Variants in VAPA observed in about 807,000 individuals in gnomAD.
The protein encoded by VAPA is VAMP associated protein A.
In VAPA, 6 loss-of-function variants were observed where a neutral mutation model predicts 25.6. The ratio of observed to expected loss-of-function variants is 0.23; its 90% CI spans 0.13 to 0.46. The LOEUF (loss-of-function observed/expected upper bound fraction) is 0.46, where lower values mean the gene tolerates loss of function less well. VAPA is among the 20% of genes least tolerant of loss of function. VAPA has a pLI of 0.99. For missense variants in VAPA, 244 were observed against 302.1 expected (o/e 0.81, Z 1.43); for synonymous variants, 112 against 106.2 (o/e 1.05, Z -0.34).
intron 2 of VAPA, among the ~76,000 whole-genome samples, chr18:9,932,878 G>A (rs1318151574): frequency 6.6e-6 from 1 of 152,142 alleles, no homozygotes; most frequent in Non-Finnish European, 1.5e-5. Flanking sequence ...GGAGGCCGAG[G>A]CGGGTGGATC....
intron 1 of VAPA, chr18:9,914,548 C>T (rs2069094277): frequency 3.9e-6 from 1 of 254,848 alleles, no homozygotes; most frequent in East Asian, 7.6e-5. Context: ...CGCCCGCCCT[C>T]GCTGCGGTGC....
At chr18:9,940,290 C>T (rs2069353770) in intron 4 of VAPA, among the ~76,000 whole-genome samples, 1 of 151,820 alleles carries the variant, frequency 6.6e-6, no homozygotes, top group African/African-American at 2.4e-5. Flanking sequence ...TTTGTTTGAC[C>T]CTCATAGTCT....
chr18:9,937,444 C>G (rs1421517719), intron 4 of VAPA, among the ~76,000 whole-genome samples: 4 of 152,042 alleles, frequency 2.6e-5, no homozygotes, highest in Non-Finnish European at 4.4e-5. Context: ...GGGATAAATT[C>G]ACTTACATGG....
At chr18:9,917,912 G>T (rs1273917915) in intron 1 of VAPA, among the ~76,000 whole-genome samples, 1 of 152,074 alleles carries the variant, frequency 6.6e-6, no homozygotes, top group Non-Finnish European at 1.5e-5. Context: ...AACGCCTGGG[G>T]CTCTAAAGAC....
chr18:9,955,399 A>G lies in VAPA; in HGVS notation c.*1188A>G, dbSNP rs1376656410. 6.6e-6 allele frequency: 1 copy of G among 152,214 alleles called. No homozygotes were observed. Among genetic ancestry groups the G allele is most frequent in the East Asian group, 1.9e-4 (1 of 5,200 alleles). The allele number at this position is 152,214 out of a possible 1,614,324, so 9.4% of individuals were successfully genotyped here. A position where few individuals can be genotyped will look rare whatever the true frequency, so the allele number is the denominator to read the frequency against. ...TGTGAAACACATTTTCAGTATAAGT[A>G]TGCGTTACAGGGTTTGATACTTTCC... is the stretch of plus-strand genomic sequence containing the variant. On this transcript the variant is annotated 3_prime_UTR_variant, in exon 6 of 6. Coordinates refer to ENST00000400000, the MANE Select transcript of VAPA (RefSeq NM_194434.3).
chr18:9,922,635 G>T (rs753343171), intron 1 of VAPA, among the ~76,000 whole-genome samples: 1 of 151,986 alleles, frequency 6.6e-6, no homozygotes, highest in African/African-American at 2.4e-5. Flanking sequence ...GATGGTTATA[G>T]GTTTCAGACC....
chr18:9,927,734 G>GT (rs2069213477), intron 1 of VAPA, among the ~76,000 whole-genome samples: 2 of 151,976 alleles, frequency 1.3e-5, no homozygotes, highest in Non-Finnish European at 2.9e-5. Context: ...CAGGCTCTAA[G>GT]TTTTTTTAAA....
intron 4 of VAPA, among the ~76,000 whole-genome samples, chr18:9,945,378 T>G (rs963005168): frequency 2.3e-4 from 24 of 103,822 alleles, no homozygotes; most frequent in African/African-American, 9.5e-4. Flanking sequence ...TTTTTTTTTT[T>G]GAGATGGAGT....
intron 5 of VAPA, 58 bp from the exon 6 acceptor site, chr18:9,953,995 G>T: frequency 6.3e-7 from 1 of 1,597,388 alleles, no homozygotes; most frequent in Middle Eastern, 2.1e-4. Context: ...TTTAGCTCCA[G>T]TAGTCTCGTT....
intron 4 of VAPA, among the ~76,000 whole-genome samples, chr18:9,942,732 A>C (rs1270312080): frequency 6.6e-6 from 1 of 152,056 alleles, no homozygotes; most frequent in East Asian, 1.9e-4. Flanking sequence ...AGCAAGAGAG[A>C]GCGAAGGGGC....
At chr18:9,933,077 C>T (rs779865036) in intron 2 of VAPA, among the ~76,000 whole-genome samples, 8 of 150,376 alleles carry the variant, frequency 5.3e-5, no homozygotes, top group South Asian at 2.1e-4. Context: ...AGTAAGACTC[C>T]GTCTCAAAAC....
intron 1 of VAPA, among the ~76,000 whole-genome samples, chr18:9,928,170 A>T (rs918799986): frequency 6.6e-6 from 1 of 152,120 alleles, no homozygotes; most frequent in Non-Finnish European, 1.5e-5. Context: ...ATAGGGATTA[A>T]GTTTTAGAAA....
chr18:9,918,180 C>T (rs1209634158), intron 1 of VAPA, among the ~76,000 whole-genome samples: 2 of 152,108 alleles, frequency 1.3e-5, no homozygotes, highest in Non-Finnish European at 2.9e-5. Flanking sequence ...TGACTCAGAC[C>T]ATGTTCCATG....
chr18:9,921,528 A>G (rs2069156576), intron 1 of VAPA, among the ~76,000 whole-genome samples: 1 of 152,238 alleles, frequency 6.6e-6, no homozygotes, highest in Non-Finnish European at 1.5e-5. Context: ...TGAGGTATAC[A>G]TATAACATGA....
chr18:9,941,365 A>G (rs1352823357), intron 4 of VAPA, among the ~76,000 whole-genome samples: 1 of 152,198 alleles, frequency 6.6e-6, no homozygotes, highest in Non-Finnish European at 1.5e-5. Flanking sequence ...TTAATGTTGC[A>G]TCTCATCTTT....
chr18:9,925,533 T>C (rs573117695), intron 1 of VAPA, among the ~76,000 whole-genome samples: 135 of 152,234 alleles, frequency 8.9e-4, no homozygotes, highest in African/African-American at 3.1e-3. Context: ...TACAAAAATA[T>C]TTCTTCAGTA....
intron 5 of VAPA, among the ~76,000 whole-genome samples, chr18:9,953,252 C>CT (rs1405117985): frequency 2.0e-5 from 3 of 152,206 alleles, no homozygotes; most frequent in Non-Finnish European, 4.4e-5. Context: ...ACTGGAGGAT[C>CT]TAAGTCATTT....
At chr18:9,944,814 AG>A (rs1284491434) in intron 4 of VAPA, 2 of 1,286,930 alleles carry the variant, frequency 1.6e-6, no homozygotes, top group African/African-American at 3.0e-5. Flanking sequence ...ATTTTTATAA[AG>A]TGTTAATGTT....
At chr18:9,942,200 A>G (rs983875005) in intron 4 of VAPA, among the ~76,000 whole-genome samples, 6 of 152,192 alleles carry the variant, frequency 3.9e-5, no homozygotes, top group African/African-American at 1.2e-4. Flanking sequence ...TAATATATGC[A>G]TACATTATTA....
Sources: gnomAD v4.1 joint callset for allele counts (sites outside exome capture counted in the v4.1 genomes callset) on GRCh38, gnomAD v4.1.1 for gene constraint, MANE v1.5 for transcripts, NCBI Gene and HGNC (gene_info 2026-07-23, HGNC 2026-07-21) for gene names.